NREP: variants seen among roughly 807,000 people sequenced by gnomAD.
The protein encoded by NREP is neuronal regeneration-related protein.
Under a neutral mutation model 8.6 loss-of-function variants are expected in NREP, and 5 were observed. The ratio of observed to expected loss-of-function variants is 0.58; its 90% CI spans 0.30 to 1.22. The LOEUF is 1.22. Among genes scored for constraint, NREP ranks in the 50% most tolerant of loss-of-function variants. The pLI is 0.07. For synonymous variants in NREP, 27 were observed against 28.0 expected, an observed-to-expected ratio of 0.96 and a Z score of 0.11; for missense variants, 86 against 82.5, an observed-to-expected ratio of 1.04 and a Z score of -0.17.
chr5:111,840,426 C>T (rs1417887410), intron 2 of NREP, among the ~76,000 whole-genome samples: 2 of 152,076 alleles, frequency 1.3e-5, no homozygotes, highest in Non-Finnish European at 2.9e-5. Context: ...GAAGGAAAGA[C>T]CAAAAGAATC....
chr5:111,916,161 A>G (rs1755051841), intron 2 of NREP, among the ~76,000 whole-genome samples: 1 of 152,110 alleles, frequency 6.6e-6, no homozygotes, highest in South Asian at 2.1e-4. Flanking sequence ...TATAGTATAT[A>G]GTGATCAATA....
intron 2 of NREP, among the ~76,000 whole-genome samples, chr5:111,818,954 T>C (rs1368137144): frequency 6.6e-6 from 1 of 152,238 alleles, no homozygotes; most frequent in Non-Finnish European, 1.5e-5. Context: ...TATTTGTAAG[T>C]AGAGTTGATT....
At chr5:111,757,865 G>A (rs1750834801), upstream of NREP, 2 of 979,098 alleles carry the variant, frequency 2.0e-6, no homozygotes, top group South Asian at 4.7e-5. Flanking sequence ...CAAGCGTGAA[G>A]GCGGCCAGGG....
At chr5:111,880,604 T>A (rs1754030737) in intron 2 of NREP, among the ~76,000 whole-genome samples, 1 of 152,194 alleles carries the variant, frequency 6.6e-6, no homozygotes, top group Admixed American at 6.5e-5. Flanking sequence ...TCATAAAGAC[T>A]TCAACTAAAT....
At chr5:111,748,079 A>G (rs1213417805) in intron 2 of NREP, among the ~76,000 whole-genome samples, 3 of 152,134 alleles carry the variant, frequency 2.0e-5, no homozygotes, top group Non-Finnish European at 2.9e-5. Context: ...AGTGTTGTGG[A>G]TAAGATGTGT....
chr5:111,940,241 A>T (rs978603253), intron 2 of NREP: 1 of 152,108 alleles, frequency 6.6e-6, no homozygotes, highest in African/African-American at 2.4e-5. Context: ...CCTTACCTGA[A>T]AAAAGACTAC....
At chr5:111,885,919 C>T (rs1754232948) in intron 2 of NREP, among the ~76,000 whole-genome samples, 1 of 152,148 alleles carries the variant, frequency 6.6e-6, no homozygotes, top group Non-Finnish European at 1.5e-5. Context: ...TGGGCAAGGA[C>T]TTCATGTCTA....
intron 2 of NREP, among the ~76,000 whole-genome samples, chr5:111,964,666 A>G (rs1756581796): frequency 6.6e-6 from 1 of 151,982 alleles, no homozygotes; most frequent in South Asian, 2.1e-4. Context: ...TACCATGCTG[A>G]GCCTATTCTA....
chr5:111,770,787 C>G (rs1273445972), intron 2 of NREP, among the ~76,000 whole-genome samples: 1 of 152,044 alleles, frequency 6.6e-6, no homozygotes, highest in East Asian at 1.9e-4. Flanking sequence ...CCAGGCTGGT[C>G]TCTAATTTCT....
intron 2 of NREP, chr5:111,846,712 T>G (rs1040901847): frequency 6.6e-6 from 1 of 152,132 alleles, no homozygotes; most frequent in African/African-American, 2.4e-5. Flanking sequence ...AGAGATATTT[T>G]ACTATGCTCT....
intron 2 of NREP, among the ~76,000 whole-genome samples, chr5:111,901,529 C>T (rs1043346910): frequency 3.3e-5 from 5 of 152,030 alleles, no homozygotes; most frequent in African/African-American, 7.2e-5. Context: ...AATTGTTCCT[C>T]TTGGCAGATG....
At chr5:111,767,668 T>G (rs1439024360) in intron 2 of NREP, among the ~76,000 whole-genome samples, 1 of 151,582 alleles carries the variant, frequency 6.6e-6, no homozygotes, top group African/African-American at 2.4e-5. Context: ...TTTTTGGTTG[T>G]TTGTTTTTTT....
At chr5:111,882,254 A>G (rs1431720633) in intron 2 of NREP, among the ~76,000 whole-genome samples, 1 of 152,220 alleles carries the variant, frequency 6.6e-6, no homozygotes, top group Non-Finnish European at 1.5e-5. Flanking sequence ...AATGAATGAA[A>G]TGAAGCAAGA....
chr5:111,782,941 C>T (rs1052938872), intron 2 of NREP, among the ~76,000 whole-genome samples: 1 of 152,082 alleles, frequency 6.6e-6, no homozygotes, highest in African/African-American at 2.4e-5. Context: ...CTATGTTGGC[C>T]AGGCTGGTCT....
chr5:111,794,490 G>T (rs1349212148), intron 2 of NREP, among the ~76,000 whole-genome samples: 2 of 152,274 alleles, frequency 1.3e-5, no homozygotes, highest in East Asian at 3.9e-4. Flanking sequence ...ATATTATCCC[G>T]TGTTAATAAG....
chr5:111,735,312 A>T (rs1749000837), intron 3 of NREP, 118 bp downstream of exon 3: 1 of 620,648 alleles, frequency 1.6e-6, no homozygotes, highest in Non-Finnish European at 2.8e-6. Flanking sequence ...ATAGTATCAG[A>T]TTAATGGATT....
intron 2 of NREP, among the ~76,000 whole-genome samples, chr5:111,804,776 C>T (rs951036829): frequency 6.6e-6 from 1 of 151,788 alleles, no homozygotes; most frequent in African/African-American, 2.4e-5. Context: ...CCGAGGCGGG[C>T]GGATCACGAG....
At chr5:111,895,444 A>C (rs1270084825) in intron 2 of NREP, among the ~76,000 whole-genome samples, 3 of 152,202 alleles carry the variant, frequency 2.0e-5, no homozygotes, top group African/African-American at 7.2e-5. Context: ...AATTTTAGAT[A>C]TTTCAGTGCC....
At position 111,925,186 on chromosome 5, in the gene NREP, T is replaced by G. The variant is rs1027538345; in HGVS notation, c.135+50088A>C. The stretch of plus-strand genomic sequence containing the variant: ...AGGGCTCCTGGGCGTAACGGCAGTT[T>G]GGGCCACTAGAGTTGAGGAATTGAG... On this transcript the variant is annotated intron_variant, in intron 2 of 3. Transcript: ENST00000395634. Among the ~76,000 whole-genome samples, 9 of 152,156 alleles carry G rather than the reference T, an allele frequency of 5.9e-5. No individual in the cohort carries two copies. In the East Asian group the frequency reaches 1.6e-3, roughly 26 times the overall value.
Sources: gnomAD v4.1 joint callset for allele counts (sites outside exome capture counted in the v4.1 genomes callset) on GRCh38, gnomAD v4.1.1 for gene constraint, MANE v1.5 for transcripts, NCBI Gene and HGNC (gene_info 2026-07-23, HGNC 2026-07-21) for gene names.